TECPR1: variants seen among roughly 807,000 people sequenced by gnomAD.
The protein encoded by TECPR1 is tectonin beta-propeller repeat containing 1.
A neutral mutation model predicts 162.4 loss-of-function variants in TECPR1; 122 were observed. The observed-to-expected ratio is 0.75, with a 90% CI of 0.65 to 0.87. The LOEUF is 0.87. Ranked by LOEUF, TECPR1 falls within the 40% of genes least tolerant of loss-of-function variation. The pLI is 0.00. For synonymous variants in TECPR1, 642 were observed against 670.6 expected (o/e 0.96, Z 0.66); for missense variants, 1,432 against 1,618.2 (o/e 0.88, Z 1.97).
chr7:98,218,089 C>A, intron 23 of TECPR1, 47 bp from the exon 24 acceptor site: 1 of 1,480,300 alleles, frequency 6.8e-7, no homozygotes, highest in African/African-American at 1.4e-5. Flanking sequence ...CTTCCCGGCC[C>A]CTCCTGCCCG....
chr7:98,238,072 C>T (rs1215754063), intron 9 of TECPR1, among the ~76,000 whole-genome samples: 5 of 152,074 alleles, frequency 3.3e-5, no homozygotes, highest in Admixed American at 6.5e-5. Context: ...CACACCTGGC[C>T]GTGGTGTTTT....
chr7:98,218,060 G>A lies in TECPR1; in HGVS notation c.3158-18C>T. Reference sequence around the variant, plus strand: ...CAGGTTTCCTGGGGAGAAAAGCAGTGAGGGTCAAAGGGGAAGACCTTCCCG... The same window carrying A: ...CAGGTTTCCTGGGGAGAAAAGCAGTAAGGGTCAAAGGGGAAGACCTTCCCG... On this transcript the variant is annotated intron_variant, in intron 23 of 25. Coordinates refer to ENST00000447648, the MANE Select transcript of TECPR1 (RefSeq NM_015395.3). The A allele has an allele frequency of 6.5e-7, 1 of 1,547,344 alleles. No homozygotes were observed. Among genetic ancestry groups the A allele is most frequent in the Non-Finnish European group, 8.7e-7 (1 of 1,143,714 alleles).
intron 19 of TECPR1, among the ~76,000 whole-genome samples, chr7:98,224,052 G>C (rs1798214305): frequency 6.6e-6 from 1 of 152,078 alleles, no homozygotes; most frequent in African/African-American, 2.4e-5. Context: ...GTCAGGCTAA[G>C]GGGACTCAGC....
At chr7:98,239,994 C>A (rs572984849) in intron 8 of TECPR1, among the ~76,000 whole-genome samples, 2 of 151,666 alleles carry the variant, frequency 1.3e-5, no homozygotes, top group Non-Finnish European at 2.9e-5. Flanking sequence ...CCTGTAGCCC[C>A]GCTACGAGGG....
rs753420709 is a variant in TECPR1 at position 98,232,830 on chromosome 7, C to A, written c.1815G>T (p.Glu605Asp). The change falls in exon 12 of 26, where the codon GAG (glutamate) becomes GAT (aspartate). Residue 605 changes from glutamate (E) to aspartate (D), a missense_variant. Coordinates refer to ENST00000447648, the MANE Select transcript of TECPR1 (RefSeq NM_015395.3). This position sits in a 1 kb window ranked among gnomAD's most constrained non-coding sequence, Gnocchi z 4.6. The stretch of plus-strand genomic sequence containing the variant: ...GCGCAGCCACCGGGGCACCCACCTG[C>A]TCCACGGCCTGCTCGTAGTGTCTGA... Reference protein sequence around the residue: ...ENFRHYEQAVEQSVWVKTGAL... With the variant: ...ENFRHYEQAVDQSVWVKTGAL... The A allele has an allele frequency of 2.5e-6, 4 of 1,594,430 alleles. No homozygotes were observed. The highest frequency in any genetic ancestry group is 1.8e-5 in the Admixed American group (1 of 56,490).
Position 98,232,710 on chromosome 7 carries a change from G to T in TECPR1, c.1818+117C>A. 7.7e-7 allele frequency: 1 copy of T among 1,304,270 alleles called. No homozygotes were observed. Among genetic ancestry groups the T allele is most frequent in the Non-Finnish European group, 1.0e-6 (1 of 980,624 alleles). 80.8% of individuals were successfully genotyped at this position (1,304,270 alleles called of 1,614,324 possible). ...TTTCTCTATGCCTGCATCTGGGCGG[G>T]AGACCAGGGGATGGAGGCATCTATC... On this transcript the variant is annotated intron_variant, in intron 12 of 25. Coordinates refer to ENST00000447648, the MANE Select transcript of TECPR1 (RefSeq NM_015395.3). This position sits in a 1 kb window ranked among gnomAD's most constrained non-coding sequence, Gnocchi z 4.6.
chr7:98,225,126 T>C, intron 17 of TECPR1, 24 bp from the exon 18 acceptor site: 1 of 1,550,888 alleles, frequency 6.4e-7, no homozygotes, highest in Non-Finnish European at 8.7e-7. Flanking sequence ...ACAGGGCAGG[T>C]GACGAGGGAG....
intron 20 of TECPR1, among the ~76,000 whole-genome samples, 179 bp from the exon 21 acceptor site, chr7:98,223,349 C>T (rs1168055403): frequency 6.7e-6 from 1 of 149,458 alleles, no homozygotes; most frequent in African/African-American, 2.5e-5. Flanking sequence ...GGCCCCCACC[C>T]CCACCCCCAG....
Position 98,223,038 on chromosome 7 carries a change from G to T in TECPR1, c.2880C>A (p.Asp960Glu). The change falls in exon 21 of 26, where the codon GAC becomes GAA. Residue 960 changes from aspartate (D) to glutamate (E), a missense_variant. By Grantham distance (45) the Asp-to-Glu change is conservative. Coordinates refer to ENST00000447648, the MANE Select transcript of TECPR1 (RefSeq NM_015395.3). ...GHSIALWAVSDKGDVLCRLGV... is the reference protein window; with the variant it reads ...GHSIALWAVSEKGDVLCRLGV... ...CCAGGCGGCACAGCACATCCCCCTT[G>T]TCGCTGACGGCCCAGAGGGCGATGC... 1 of 1,610,988 alleles carries T rather than the reference G, an allele frequency of 6.2e-7. No homozygotes were observed. Among genetic ancestry groups the T allele is most frequent in the Non-Finnish European group, 8.5e-7 (1 of 1,179,190 alleles).
rs1336903757 is a variant in TECPR1 at position 98,232,972 on chromosome 7, C to G, written c.1673G>C (p.Gly558Ala). Reference protein sequence around the residue: ...AMPRWFTVQAGLSSSVHMLSL... With the variant: ...AMPRWFTVQAALSSSVHMLSL... The stretch of plus-strand genomic sequence containing the variant: ...CAGCATGTGTACCGAGGAGGACAGG[C>G]CTGTGGGGCAGAGAGAGCCTCAGGG... The change falls in exon 12 of 26, where the codon GGC becomes GCC. Residue 558 changes from glycine (G) to alanine (A), a missense_variant and splice_region_variant. Gly to Ala is a moderately conservative substitution (Grantham distance 60, BLOSUM62 0). Coordinates refer to ENST00000447648, the MANE Select transcript of TECPR1 (RefSeq NM_015395.3). The surrounding 1 kb of genome is among the most constrained non-coding windows in gnomAD (Gnocchi z 4.6). The G allele has an allele frequency of 5.0e-6, 8 of 1,604,920 alleles. No homozygotes were observed. Among genetic ancestry groups the G allele is most frequent in the South Asian group, 2.2e-5 (2 of 90,338 alleles).
Position 98,216,026 on chromosome 7 carries a change from C to T in TECPR1, c.*1364G>A, listed in dbSNP as rs1195387750. The T allele has an allele frequency of 6.6e-6, 1 of 152,306 alleles. No individual in the cohort carries two copies. Among genetic ancestry groups the T allele is most frequent in the Non-Finnish European group, 1.5e-5 (1 of 68,114 alleles). The allele number at this position is 152,306 out of a possible 1,614,324, so 9.4% of individuals were successfully genotyped here. A position where few individuals can be genotyped will look rare whatever the true frequency, so the allele number is the denominator to read the frequency against. ...AAGGTCAGGTGGTGGTGAAGTCATC[C>T]CCTCTCCAACCGAGCAGAGCCTGGG... On this transcript the variant is annotated 3_prime_UTR_variant, in exon 26 of 26. Transcript: ENST00000447648.
chr7:98,239,885 C>T (rs941343453), intron 8 of TECPR1, among the ~76,000 whole-genome samples: 2 of 151,874 alleles, frequency 1.3e-5, no homozygotes, highest in African/African-American at 4.8e-5. Flanking sequence ...CTGAGGCGGG[C>T]GGATCATGAG....
intron 2 of TECPR1, among the ~76,000 whole-genome samples, chr7:98,247,703 A>C (rs1288109130): frequency 6.7e-6 from 1 of 149,364 alleles, no homozygotes; most frequent in Non-Finnish European, 1.5e-5. Flanking sequence ...GCCATTCTCT[A>C]CTCCTTTCTT....
In TECPR1 at chr7:98,223,719, C is replaced by CCA; in HGVS notation, c.2691-2_2691-1insTG. The CCA allele has an allele frequency of 6.2e-7, 1 of 1,613,740 alleles. No individual in the cohort carries two copies. Among genetic ancestry groups the CCA allele is most frequent in the Non-Finnish European group, 8.5e-7 (1 of 1,179,776 alleles). On this transcript the variant is annotated splice_acceptor_variant, in intron 19 of 25. Coordinates refer to ENST00000447648, the MANE Select transcript of TECPR1 (RefSeq NM_015395.3). LOFTEE classifies it high-confidence loss of function. ...CATCGTTTTGGACCCATGGTATGAG[C>CCA]TGCAAGGAGGAAGAAGATGAAATCA...
chr7:98,233,335 C>T, intron 11 of TECPR1, 86 bp downstream of exon 11: 2 of 1,368,996 alleles, frequency 1.5e-6, no homozygotes, highest in Non-Finnish European at 1.9e-6. Flanking sequence ...CCTGCCCGAG[C>T]CCCCTGACCC....
At chr7:98,230,619 C>T (rs1798405804) in intron 15 of TECPR1, among the ~76,000 whole-genome samples, 1 of 152,180 alleles carries the variant, frequency 6.6e-6, no homozygotes, top group South Asian at 2.1e-4. Context: ...CGGGTCTGTG[C>T]CCTGGGCAGG....
intron 10 of TECPR1, among the ~76,000 whole-genome samples, chr7:98,236,497 C>T (rs1441353367): frequency 6.6e-6 from 1 of 151,892 alleles, no homozygotes; most frequent in Non-Finnish European, 1.5e-5. Context: ...TCACGACAGC[C>T]CAGCCTTACC....
intron 17 of TECPR1, among the ~76,000 whole-genome samples, chr7:98,225,425 C>T (rs1213222008): frequency 6.6e-6 from 1 of 152,134 alleles, no homozygotes; most frequent in Non-Finnish European, 1.5e-5. Flanking sequence ...GTCCCAGCTA[C>T]TCAGGAGGCT....
chr7:98,240,113 A>C (rs1798707413), intron 8 of TECPR1, among the ~76,000 whole-genome samples: 2 of 152,078 alleles, frequency 1.3e-5, no homozygotes, highest in Non-Finnish European at 2.9e-5. Flanking sequence ...CGTCTCAAAA[A>C]AAACAAACAA....
Sources: gnomAD v4.1 joint callset for allele counts (sites outside exome capture counted in the v4.1 genomes callset) on GRCh38, gnomAD v4.1.1 for gene constraint, Gnocchi (gnomAD v3.1) non-coding constraint, MANE v1.5 for transcripts, NCBI Gene and HGNC (gene_info 2026-07-23, HGNC 2026-07-21) for gene names.